Variants in MFSD11 observed in about 807,000 individuals in gnomAD.
MFSD11 encodes major facilitator superfamily domain containing 11, also known as UNC93-like protein MFSD11.
MFSD11 carries 36 observed loss-of-function variants against 53.5 expected under a neutral mutation model. The ratio of observed to expected loss-of-function variants is 0.67; its 90% CI spans 0.52 to 0.89. The LOEUF is 0.89. MFSD11 is among the 40% of genes least tolerant of loss of function. The pLI is 0.00. For missense variants in MFSD11, 530 were observed against 543.9 expected (o/e 0.97, Z 0.25); for synonymous variants, 186 against 184.9 (o/e 1.01, Z -0.05).
At chr17:76,736,772 TC>T, upstream of MFSD11, 1 of 1,400,220 alleles carries the variant, frequency 7.1e-7, no homozygotes, top group Non-Finnish European at 9.2e-7. Context: ...CCGCCCCGCC[TC>T]CCGCGGTCCC....
intron 8 of MFSD11, 73 bp downstream of exon 8, chr17:76,754,160 T>C: frequency 1.6e-6 from 2 of 1,285,358 alleles, no homozygotes; most frequent in Non-Finnish European, 2.2e-6. Context: ...CCCTATTCCC[T>C]GGTAACTTTG....
intron 7 of MFSD11, chr17:76,747,802 G>C (rs2078685705): frequency 6.6e-6 from 1 of 152,232 alleles, no homozygotes; most frequent in Non-Finnish European, 1.5e-5. Flanking sequence ...TGCCAAGTTG[G>C]GGAGGTGGAT....
chr17:76,788,041 G>A, the MFSD11 span, among the ~76,000 whole-genome samples: 1 of 147,790 alleles, frequency 6.8e-6, no homozygotes, highest in East Asian at 2.0e-4. Flanking sequence ...TTGAGACAGA[G>A]TCTCACTCTG....
intron 9 of MFSD11, 23 bp from the exon 10 acceptor site, chr17:76,769,721 ATC>A (rs1190814175): frequency 1.9e-6 from 3 of 1,555,148 alleles, no homozygotes; most frequent in African/African-American, 2.8e-5. Context: ...TATAAATGAC[ATC>A]TGTTTTTTTT....
intron 8 of MFSD11, chr17:76,766,991 A>C (rs766351786): frequency 6.2e-6 from 1 of 162,398 alleles, no homozygotes; most frequent in East Asian, 1.8e-4. Flanking sequence ...TCTTGAGTCC[A>C]CTCTTAAAGC....
chr17:76,744,207 A>T, intron 6 of MFSD11, 115 bp from the exon 7 acceptor site: 1 of 998,328 alleles, frequency 1.0e-6, no homozygotes, highest in Non-Finnish European at 1.4e-6. Flanking sequence ...CTGATGCATT[A>T]AAGTAAAAAT....
intron 7 of MFSD11, among the ~76,000 whole-genome samples, chr17:76,748,446 G>A (rs2144296607): frequency 6.6e-6 from 1 of 152,110 alleles, no homozygotes; most frequent in South Asian, 2.1e-4. Flanking sequence ...CCAGCACCTT[G>A]GGAGGCTGAG....
In MFSD11 at chr17:76,776,228, C is replaced by A. The variant is rs1359722758; in HGVS notation, c.1050-178C>A. On this transcript the variant is annotated intron_variant, in intron 11 of 12. Coordinates refer to ENST00000685175, the MANE Select transcript of MFSD11 (RefSeq NM_001242532.5). The surrounding 1 kb of genome is among the most constrained non-coding windows in gnomAD (Gnocchi z 4.2). ...TCCTGTCTTCAAGTGATCTGCCCAC[C>A]TCAGCCTCCCAAAGTGCTGGGATTC... Among the ~76,000 whole-genome samples, 5 of 152,250 alleles carry A rather than the reference C, an allele frequency of 3.3e-5. No individual in the cohort carries two copies. Among genetic ancestry groups the A allele is most frequent in the African/African-American group, 4.8e-5 (2 of 41,478 alleles).
intron 8 of MFSD11, among the ~76,000 whole-genome samples, chr17:76,760,275 C>CT (rs1263729064): frequency 1.4e-5 from 2 of 144,570 alleles, no homozygotes; most frequent in Non-Finnish European, 1.5e-5. Flanking sequence ...TAAACTCTGT[C>CT]TCAAAAAAAA....
intron 10 of MFSD11, among the ~76,000 whole-genome samples, chr17:76,773,508 C>T (rs1312831347): frequency 6.6e-6 from 1 of 152,118 alleles, no homozygotes; most frequent in Non-Finnish European, 1.5e-5. Context: ...TGTGTATTTA[C>T]CCTCTTTATA....
In MFSD11 at chr17:76,776,575, A is replaced by C; in HGVS notation, c.1185+34A>C. 3 of 1,603,346 alleles carry C rather than the reference A, an allele frequency of 1.9e-6. No homozygotes were observed. The highest frequency in any genetic ancestry group is 2.6e-6 in the Non-Finnish European group (3 of 1,175,606). ...TTCAGATTGTGATTGTGTTTGACAT[A>C]GGGCTCTTCCCTTTGTGTATTGCCT... is the stretch of plus-strand genomic sequence containing the variant. On this transcript the variant is annotated intron_variant, in intron 12 of 12. Coordinates refer to ENST00000685175, the MANE Select transcript of MFSD11 (RefSeq NM_001242532.5). The surrounding 1 kb of genome is among the most constrained non-coding windows in gnomAD (Gnocchi z 4.2).
intron 8 of MFSD11, among the ~76,000 whole-genome samples, chr17:76,759,769 T>TC (rs1426330207): frequency 1.8e-4 from 23 of 130,312 alleles, no homozygotes; most frequent in Non-Finnish European, 3.6e-4. Flanking sequence ...TTTTTTTTTT[T>TC]TTTTTTTTTT....
intron 5 of MFSD11, 101 bp from the exon 6 acceptor site, chr17:76,743,297 C>T: frequency 1.3e-6 from 1 of 756,978 alleles, no homozygotes; most frequent in East Asian, 3.1e-5. Context: ...ATGTCCTTCT[C>T]TCTCCCTCTC....
At chr17:76,793,139 T>TA in the MFSD11 span, among the ~76,000 whole-genome samples, 1 of 151,396 alleles carries the variant, frequency 6.6e-6, no homozygotes, top group Non-Finnish European at 1.5e-5. Context: ...TAACATCTTA[T>TA]CAGGAGACAG....
At chr17:76,802,661 T>G in the MFSD11 span, among the ~76,000 whole-genome samples, 1 of 152,144 alleles carries the variant, frequency 6.6e-6, no homozygotes, top group Non-Finnish European at 1.5e-5. Flanking sequence ...GGCAAATCAC[T>G]TAAGGTCAGG....
At position 76,778,444 on chromosome 17, in the gene MFSD11, T is replaced by A; in HGVS notation, c.*92T>A. ...AGTCGCCTTTGATCTTCACTATATA[T>A]TGGGTGATGTTCAGTATGGAAAATC... is the stretch of plus-strand genomic sequence containing the variant. On this transcript the variant is annotated 3_prime_UTR_variant, in exon 13 of 13. Coordinates refer to ENST00000685175, the MANE Select transcript of MFSD11 (RefSeq NM_001242532.5). The A allele has an allele frequency of 1.6e-6, 2 of 1,253,792 alleles. No individual in the cohort carries two copies. The highest frequency in any genetic ancestry group is 1.3e-5 in the South Asian group (1 of 74,646). The allele number at this position is 1,253,792 out of a possible 1,614,324, so 77.7% of individuals were successfully genotyped here. A position where few individuals can be genotyped will look rare whatever the true frequency, so the allele number is the denominator to read the frequency against.
rs1210440802 is a variant in MFSD11 at position 76,743,461 on chromosome 17, G to A, written c.496+5G>A. ...AAGGGAAAACTCAGATATCAGGTTT[G>A]TTTTATTCGCGTTGCTTTATTCAGA... On this transcript the variant is annotated splice_donor_5th_base_variant and intron_variant, in intron 6 of 12. Transcript: ENST00000685175. 6.4e-7 allele frequency: 1 copy of A among 1,559,022 alleles called. No individual in the cohort carries two copies. The highest frequency in any genetic ancestry group is 8.7e-7 in the Non-Finnish European group (1 of 1,152,504).
chr17:76,738,101 G>T (rs2077671856), upstream of MFSD11: 1 of 498,490 alleles, frequency 2.0e-6, no homozygotes, highest in South Asian at 3.6e-5. Flanking sequence ...ATAAATTCTT[G>T]GCGCTTCTCC....
downstream of MFSD11, among the ~76,000 whole-genome samples, chr17:76,785,059 C>G (rs1177370701): frequency 1.3e-5 from 2 of 152,194 alleles, no homozygotes; most frequent in African/African-American, 4.8e-5. Context: ...AATTACCTAA[C>G]AGTGGGAAAA....
Sources: gnomAD v4.1 joint callset for allele counts (sites outside exome capture counted in the v4.1 genomes callset) on GRCh38, gnomAD v4.1.1 for gene constraint, Gnocchi (gnomAD v3.1) non-coding constraint, MANE v1.5 for transcripts, NCBI Gene and HGNC (gene_info 2026-07-23, HGNC 2026-07-21) for gene names.